The following SPATA9 variants were observed in gnomAD, a reference collection of about 807,000 sequenced individuals.
SPATA9 encodes the protein spermatogenesis-associated protein 9.
In SPATA9, 27 loss-of-function variants were observed where a neutral mutation model predicts 25.5. The observed-to-expected ratio is 1.06, with a 90% CI of 0.78 to 1.46. The LOEUF is 1.46. SPATA9 is among the 40% of genes most tolerant of loss of function. The pLI is 0.00. For missense variants in SPATA9, 282 were observed against 297.5 expected, an observed-to-expected ratio of 0.95 and a Z score of 0.38; for synonymous variants, 102 against 105.7, an observed-to-expected ratio of 0.97 and a Z score of 0.21.
At chr5:95,714,889 A>T in the SPATA9 span, among the ~76,000 whole-genome samples, 1 of 152,222 alleles carries the variant, frequency 6.6e-6, no homozygotes, top group South Asian at 2.1e-4. Context: ...AACATTAAAG[A>T]AGACTTAAAT....
downstream of SPATA9, chr5:95,656,252 G>A (rs746838760): frequency 1.2e-6 from 2 of 1,613,428 alleles, no homozygotes; most frequent in South Asian, 1.1e-5. Flanking sequence ...AACCTTTTAA[G>A]TGTGACTCTG....
At chr5:95,725,232 C>A in the SPATA9 span, among the ~76,000 whole-genome samples, 1 of 151,798 alleles carries the variant, frequency 6.6e-6, no homozygotes, top group Admixed American at 6.6e-5. Flanking sequence ...AGGAGAAAAA[C>A]AAACCACAGC....
At chr5:95,665,492 G>T (rs902803892) in intron 3 of SPATA9, among the ~76,000 whole-genome samples, 2 of 152,102 alleles carry the variant, frequency 1.3e-5, no homozygotes, top group African/African-American at 4.8e-5. Flanking sequence ...GTCTTTCTGT[G>T]CCTGGCTTAT....
At chr5:95,701,970 C>A (rs950353971), upstream of SPATA9, among the ~76,000 whole-genome samples, 1 of 152,132 alleles carries the variant, frequency 6.6e-6, no homozygotes, top group African/African-American at 2.4e-5. Flanking sequence ...TTTTACTGAA[C>A]AAAAGTTAAT....
chr5:95,657,680 C>A (rs1750844503), downstream of SPATA9: 1 of 152,130 alleles, frequency 6.6e-6, no homozygotes, highest in South Asian at 2.1e-4. Context: ...TATTACACTT[C>A]CTTTTCTGTT....
At chr5:95,671,991 G>T (rs1021803405) in intron 3 of SPATA9, among the ~76,000 whole-genome samples, 36 of 151,728 alleles carry the variant, frequency 2.4e-4, no homozygotes, top group African/African-American at 8.5e-4. Flanking sequence ...CTTACAAAAA[G>T]GAAAGGGACC....
At chr5:95,699,281 T>C (rs1225007697), upstream of SPATA9, among the ~76,000 whole-genome samples, 1 of 152,208 alleles carries the variant, frequency 6.6e-6, no homozygotes, top group Non-Finnish European at 1.5e-5. Context: ...TTCTCATCTA[T>C]AAAATGGGGA....
chr5:95,730,386 C>G, the SPATA9 span, among the ~76,000 whole-genome samples: 1 of 152,120 alleles, frequency 6.6e-6, no homozygotes, highest in Non-Finnish European at 1.5e-5. Flanking sequence ...GGAGTCTAAC[C>G]CCAGAGTAAT....
intron 1 of SPATA9, among the ~76,000 whole-genome samples, chr5:95,695,190 A>G (rs1753985167): frequency 6.6e-6 from 1 of 152,220 alleles, no homozygotes; most frequent in South Asian, 2.1e-4. Context: ...ATGGTTATGA[A>G]TAATAATAAA....
At chr5:95,681,416 C>T (rs575317828) in intron 2 of SPATA9, among the ~76,000 whole-genome samples, 2 of 152,302 alleles carry the variant, frequency 1.3e-5, no homozygotes, top group South Asian at 2.1e-4. Context: ...TTGAAAACTA[C>T]TATTCATCCA....
At chr5:95,677,629 C>CCAA (rs1381675450) in intron 2 of SPATA9, among the ~76,000 whole-genome samples, 1 of 151,956 alleles carries the variant, frequency 6.6e-6, no homozygotes, top group African/African-American at 2.4e-5. Context: ...TTAACAATAA[C>CCAA]CAACAACAAC....
At chr5:95,699,415 C>T (rs147110816), upstream of SPATA9, among the ~76,000 whole-genome samples, 848 of 152,288 alleles carry the variant, frequency 5.6e-3, 16 homozygotes, top group African/African-American at 0.02. Flanking sequence ...TATGATCATG[C>T]TCTTAGTGTG....
At chr5:95,684,193 C>A (rs1304873155), upstream of SPATA9, among the ~76,000 whole-genome samples, 1 of 152,152 alleles carries the variant, frequency 6.6e-6, no homozygotes, top group East Asian at 1.9e-4. Flanking sequence ...AAAGTGCAAT[C>A]CATCGGTACA....
At chr5:95,687,337 T>C (rs555381937), upstream of SPATA9, among the ~76,000 whole-genome samples, 25 of 152,366 alleles carry the variant, frequency 1.6e-4, no homozygotes, top group Non-Finnish European at 3.4e-4. Flanking sequence ...TGGGAAATCC[T>C]GGGTCACAAG....
upstream of SPATA9, among the ~76,000 whole-genome samples, chr5:95,702,236 A>G (rs200832921): frequency 6.3e-5 from 9 of 143,934 alleles, no homozygotes; most frequent in South Asian, 2.0e-3. Flanking sequence ...ACACACACAC[A>G]ATTTTTCATG....
chr5:95,657,685 T>C (rs772140708), downstream of SPATA9: 3 of 152,138 alleles, frequency 2.0e-5, no homozygotes, highest in Non-Finnish European at 2.9e-5. Context: ...CACTTCCTTT[T>C]CTGTTGGAGT....
At chr5:95,731,941 C>T in the SPATA9 span, 2 of 1,614,132 alleles carry the variant, frequency 1.2e-6, no homozygotes, top group Admixed American at 1.7e-5. Context: ...CCGCACTTAC[C>T]TGGGGAGAAG....
chr5:95,668,492 G>A (rs1441786913), intron 3 of SPATA9, among the ~76,000 whole-genome samples: 1 of 152,136 alleles, frequency 6.6e-6, no homozygotes, highest in East Asian at 1.9e-4. Context: ...AGCAGAAATA[G>A]TGTATGGTAA....
chr5:95,718,664 A>G, the SPATA9 span, among the ~76,000 whole-genome samples: 2 of 152,226 alleles, frequency 1.3e-5, no homozygotes, highest in African/African-American at 4.8e-5. Flanking sequence ...TTTCTACAGC[A>G]ATATTTTACA....
Sources: allele counts gnomAD v4.1 joint callset (sites outside exome capture counted in the v4.1 genomes callset), GRCh38; gene constraint gnomAD v4.1.1; transcripts MANE v1.5; gene names NCBI Gene and HGNC (gene_info 2026-07-23, HGNC 2026-07-21).